The following ABCA13 variants were observed in gnomAD, a reference collection of about 807,000 sequenced individuals.
The protein encoded by ABCA13 is ATP-binding cassette sub-family A member 13.
Under a neutral mutation model 478.7 loss-of-function variants are expected in ABCA13, and 476 were observed. The observed-to-expected ratio is 0.99, with a 90% CI of 0.92 to 1.07. ABCA13 has a LOEUF of 1.07. ABCA13 is among the 50% of genes least tolerant of loss of function. The pLI is 0.00. For synonymous variants in ABCA13, 2,252 were observed against 2,158.9 expected, an observed-to-expected ratio of 1.04 and a Z score of -1.20; for missense variants, 6,060 against 5,910.6, an observed-to-expected ratio of 1.03 and a Z score of -0.83.
At chr7:48,199,962 TA>T (rs1379681111) in intron 3 of ABCA13, among the ~76,000 whole-genome samples, 1 of 152,192 alleles carries the variant, frequency 6.6e-6, no homozygotes, top group East Asian at 1.9e-4. Flanking sequence ...TTGTGAATGT[TA>T]AAGACAAATA....
intron 5 of ABCA13, among the ~76,000 whole-genome samples, chr7:48,222,708 G>T (rs745592162): frequency 6.6e-6 from 1 of 152,052 alleles, no homozygotes; most frequent in African/African-American, 2.4e-5. Flanking sequence ...AAGGAAAAAA[G>T]ATTTGTTACA....
At chr7:48,613,842 TA>T (rs1792271429) in intron 58 of ABCA13, among the ~76,000 whole-genome samples, 1 of 148,268 alleles carries the variant, frequency 6.7e-6, no homozygotes, top group Non-Finnish European at 1.5e-5. Context: ...ATATCTGTAT[TA>T]TAATATATTT....
chr7:48,599,452 A>T (rs1298111255), intron 58 of ABCA13, among the ~76,000 whole-genome samples: 1 of 152,092 alleles, frequency 6.6e-6, no homozygotes, highest in Non-Finnish European at 1.5e-5. Flanking sequence ...TATGTAGCAG[A>T]TATTCCTATA....
chr7:48,637,947 T>G lies in ABCA13; in HGVS notation c.14838-5341T>G, dbSNP rs372451121. 2.0e-5 allele frequency among the ~76,000 whole-genome samples: 3 copies of G among 152,196 alleles called. No individual in the cohort carries two copies. The South Asian group carries it at 6.2e-4, about 31-fold the overall frequency. ...GGCAGAAGGGTTTATGTGTCCTGTATTCTTGGAGCTCTACTGTAACAACTG... is the reference window on the plus strand; with the variant it reads ...GGCAGAAGGGTTTATGTGTCCTGTAGTCTTGGAGCTCTACTGTAACAACTG... On this transcript the variant is annotated intron_variant, in intron 59 of 61. Coordinates refer to ENST00000435803, the MANE Select transcript of ABCA13 (RefSeq NM_152701.5).
intron 49 of ABCA13, among the ~76,000 whole-genome samples, 189 bp downstream of exon 49, chr7:48,506,579 A>T (rs185059877): frequency 3.9e-5 from 6 of 152,338 alleles, no homozygotes; most frequent in African/African-American, 1.4e-4. Flanking sequence ...TAAGAGAGTC[A>T]GTACATTGAC....
Position 48,444,777 on chromosome 7 carries a change from C to A in ABCA13, c.12566-10260C>A, listed in dbSNP as rs530411669. Among the ~76,000 whole-genome samples the A allele has an allele frequency of 2.7e-4, 41 of 152,236 alleles. 2 individuals are homozygous for A. The South Asian group carries it at 7.9e-3, about 29-fold the overall frequency. Reference sequence around the variant, plus strand: ...ACTCCATTCTAACGCATCCCAGGTACCTCCATCTCAACACGTTTAAGTCCA... The same window carrying A: ...ACTCCATTCTAACGCATCCCAGGTAACTCCATCTCAACACGTTTAAGTCCA... On this transcript the variant is annotated intron_variant, in intron 42 of 61. Transcript: ENST00000435803.
chr7:48,463,958 A>G (rs769825715), intron 43 of ABCA13, among the ~76,000 whole-genome samples: 5 of 152,114 alleles, frequency 3.3e-5, no homozygotes, highest in Admixed American at 6.5e-5. Context: ...CTAAATCAGA[A>G]CCACTGGGGG....
chr7:48,351,641 A>G (rs1809013768), intron 30 of ABCA13, among the ~76,000 whole-genome samples: 1 of 152,132 alleles, frequency 6.6e-6, no homozygotes. Context: ...CCTCATTTTA[A>G]CTTGATTACT....
chr7:48,645,543 C>T lies in ABCA13; in HGVS notation c.*31C>T. On this transcript the variant is annotated 3_prime_UTR_variant, in exon 62 of 62. Transcript: ENST00000435803. ...AAAGAAGTTTCCATAAGGAATAAAA[C>T]CTTGTCTTCCATTACAATTAACAGT... 1 of 1,512,932 alleles carries T rather than the reference C, an allele frequency of 6.6e-7. No homozygotes were observed. The allele number at this position is 1,512,932 out of a possible 1,614,324, so 93.7% of individuals were successfully genotyped here. A position where few individuals can be genotyped will look rare whatever the true frequency, so the allele number is the denominator to read the frequency against.
Position 48,273,532 on chromosome 7 carries a change from T to C in ABCA13, c.3866T>C (p.Ile1289Thr), listed in dbSNP as rs376141167. ...TTAAATTCTCTGCTTGAAGTTTTCA[T>C]TGAGTTTAGCAGTACCTCAGAATAT... ...EFLNSLLEVF[I>T]EFSSTSEYIV... Residue 1289 changes from isoleucine to threonine, a missense_variant, in exon 17 of 62, where the codon ATT (isoleucine) becomes ACT (threonine). Coordinates refer to ENST00000435803, the MANE Select transcript of ABCA13 (RefSeq NM_152701.5). 6 of 1,585,132 alleles carry C rather than the reference T, an allele frequency of 3.8e-6. No homozygotes were observed. In the African/African-American group the frequency reaches 6.7e-5, roughly 18 times the overall value.
intron 2 of ABCA13, among the ~76,000 whole-genome samples, chr7:48,194,009 GAA>G (rs1797538470): frequency 2.0e-5 from 2 of 100,226 alleles, no homozygotes; most frequent in African/African-American, 3.6e-5. Flanking sequence ...TGATAGCGAT[GAA>G]ATGATGATGG....
intron 55 of ABCA13, among the ~76,000 whole-genome samples, chr7:48,539,168 C>T (rs966976578): frequency 1.3e-5 from 2 of 151,966 alleles, no homozygotes; most frequent in African/African-American, 2.4e-5. Context: ...ATTGCTTGAG[C>T]CCAGAGTTTG....
At chr7:48,586,231 T>C (rs1182591593) in intron 56 of ABCA13, among the ~76,000 whole-genome samples, 1 of 152,162 alleles carries the variant, frequency 6.6e-6, no homozygotes, top group Admixed American at 6.5e-5. Context: ...TCCTTGGGTC[T>C]TGGCAAAGTG....
At chr7:48,412,204 G>T (rs750775803) in intron 40 of ABCA13, 149 bp from the exon 41 acceptor site, 27 of 614,830 alleles carry the variant, frequency 4.4e-5, no homozygotes, top group Middle Eastern at 8.7e-4. Flanking sequence ...AGATGTCATT[G>T]AGATGCCTAT....
chr7:48,364,752 ATT>A (rs1193017059), intron 31 of ABCA13, among the ~76,000 whole-genome samples: 1 of 152,084 alleles, frequency 6.6e-6, no homozygotes, highest in Non-Finnish European at 1.5e-5. Flanking sequence ...TTTCTTTGTA[ATT>A]GCTAAATAAT....
intron 58 of ABCA13, among the ~76,000 whole-genome samples, chr7:48,597,032 A>G (rs1251658612): frequency 6.6e-6 from 1 of 151,382 alleles, no homozygotes; most frequent in East Asian, 2.0e-4. Flanking sequence ...GCTCACTGCA[A>G]GCTCCGCCTC....
chr7:48,400,232 C>T (rs956218696), intron 38 of ABCA13, among the ~76,000 whole-genome samples: 1 of 152,120 alleles, frequency 6.6e-6, no homozygotes, highest in Non-Finnish European at 1.5e-5. Flanking sequence ...TTCCACTAGA[C>T]CTTGAATTTC....
In ABCA13 at chr7:48,352,272, T is replaced by A; in HGVS notation, c.10473T>A (p.Asn3491Lys). ...ATGTCTCATACACAATCCGGACCAA[T>A]GTGTTATACAGCGTGCGAACAGATG... ...PPHVSYTIRT[N>K]VLYSVRTDVV... Residue 3491 changes from asparagine (N) to lysine (K), a missense_variant, in exon 31 of 62, where the codon AAT becomes AAA. Coordinates refer to ENST00000435803, the MANE Select transcript of ABCA13 (RefSeq NM_152701.5). The A allele has an allele frequency of 6.2e-7, 1 of 1,613,746 alleles. No individual in the cohort carries two copies. The highest frequency in any genetic ancestry group is 8.5e-7 in the Non-Finnish European group (1 of 1,179,828).
At position 48,486,873 on chromosome 7, in the gene ABCA13, G is replaced by C. The variant is rs1829355569; in HGVS notation, c.13183-2363G>C. On this transcript the variant is annotated intron_variant, in intron 47 of 61. Transcript: ENST00000435803. ...TAAGGGAGACTTCAGGAACATACAT[G>C]TGCCTCTCAATTGTGCCACATTCTA... 2.0e-5 allele frequency among the ~76,000 whole-genome samples: 3 copies of C among 152,168 alleles called. 1 individual carries two copies. In the South Asian group the frequency reaches 6.2e-4, roughly 32 times the overall value.
Sources: allele counts gnomAD v4.1 joint callset (sites outside exome capture counted in the v4.1 genomes callset), GRCh38; gene constraint gnomAD v4.1.1; transcripts MANE v1.5; gene names NCBI Gene and HGNC (gene_info 2026-07-23, HGNC 2026-07-21).